The following GRIA2 variants were observed in gnomAD, a reference collection of about 807,000 sequenced individuals.
GRIA2 encodes glutamate receptor 2.
A neutral mutation model predicts 97.3 loss-of-function variants in GRIA2; 14 were observed. The ratio of observed to expected loss-of-function variants is 0.14; its 90% confidence interval spans 0.10 to 0.23. The LOEUF is 0.23. GRIA2 is among the 10% of genes least tolerant of loss of function. The pLI, the probability that GRIA2 is intolerant of heterozygous loss-of-function variation, is 1.00. For missense variants in GRIA2, 558 were observed against 1,069.8 expected (o/e 0.52, Z 6.67); for synonymous variants, 412 against 387.8 (o/e 1.06, Z -0.73).
At chr4:157,249,724 T>C (rs1730940019) in intron 2 of GRIA2, 1 of 152,180 alleles carries the variant, frequency 6.6e-6, no homozygotes, top group Admixed American at 6.6e-5. Flanking sequence ...CCTGGAGAAC[T>C]GGCCTAGGTC....
intron 2 of GRIA2, among the ~76,000 whole-genome samples, chr4:157,263,432 C>T (rs1164059898): frequency 6.6e-6 from 1 of 151,536 alleles, no homozygotes; most frequent in Admixed American, 6.6e-5. Context: ...GGTTCGAAAA[C>T]AGTATACCAA....
At chr4:157,342,366 G>T (rs1735584626) in intron 12 of GRIA2, 2 of 985,014 alleles carry the variant, frequency 2.0e-6, no homozygotes, top group Admixed American at 1.2e-4. Context: ...TTCAGCTGAA[G>T]ATACTATGGG....
At chr4:157,326,926 C>T (rs997444354) in intron 6 of GRIA2, among the ~76,000 whole-genome samples, 3 of 152,048 alleles carry the variant, frequency 2.0e-5, no homozygotes, top group African/African-American at 7.2e-5. Context: ...TTGCAGGGAG[C>T]GCTGGTGGAG....
rs1173809925 is a variant in GRIA2, at chr4:157,313,525, C to T, written c.666+650C>T. On this transcript the variant is annotated intron_variant, in intron 4 of 15. Coordinates refer to ENST00000264426, the MANE Select transcript of GRIA2 (RefSeq NM_001083619.3). The stretch of plus-strand genomic sequence containing the variant: ...TATTTTTATCTGTGCTTAGATACTA[C>T]CTTGCTTCAGTTTAAGGTCTTTCAG... Among the ~76,000 whole-genome samples the T allele has an allele frequency of 3.9e-5, 6 of 152,112 alleles. No individual in the cohort carries two copies. The East Asian group carries it at 1.2e-3, about 29-fold the overall frequency.
At chr4:157,294,060 G>T (rs946566261) in intron 2 of GRIA2, among the ~76,000 whole-genome samples, 1 of 152,082 alleles carries the variant, frequency 6.6e-6, no homozygotes, top group African/African-American at 2.4e-5. Context: ...GCAGGAACCC[G>T]CTTGCTTACC....
chr4:157,347,519 T>C (rs1735814152), intron 12 of GRIA2, among the ~76,000 whole-genome samples: 1 of 152,216 alleles, frequency 6.6e-6, no homozygotes, highest in African/African-American at 2.4e-5. Context: ...TGATTTGGGA[T>C]TAGTCTCTCA....
chr4:157,237,210 A>G (rs1368783770), intron 2 of GRIA2, among the ~76,000 whole-genome samples: 2 of 151,268 alleles, frequency 1.3e-5, no homozygotes, highest in African/African-American at 4.9e-5. Flanking sequence ...ATCCCGTTTT[A>G]TTTTTCCTTC....
At chr4:157,256,853 C>A (rs760173224) in intron 2 of GRIA2, among the ~76,000 whole-genome samples, 8 of 151,886 alleles carry the variant, frequency 5.3e-5, no homozygotes, top group Non-Finnish European at 1.2e-4. Flanking sequence ...GTGTAGAAAG[C>A]GACATGATTT....
chr4:157,363,762 C>G lies in GRIA2; in HGVS notation c.*331C>G, dbSNP rs546022677. ...TAAGGAATGATTAATTAAAACACAA[C>G]ATCTTTTTCTACTCGAGTTACAGAC... On this transcript the variant is annotated 3_prime_UTR_variant, in exon 16 of 16. Transcript: ENST00000264426. The G allele has an allele frequency of 3.6e-4, 141 of 396,428 alleles. No individual in the cohort carries two copies. Among genetic ancestry groups the G allele is most frequent in the South Asian group, 5.6e-4 (4 of 7,144 alleles). The allele number at this position is 396,428 out of a possible 1,614,324, so 24.6% of individuals were successfully genotyped here. A position where few individuals can be genotyped will look rare whatever the true frequency, so the allele number is the denominator to read the frequency against.
At chr4:157,245,680 G>A (rs1730700926) in intron 2 of GRIA2, among the ~76,000 whole-genome samples, 1 of 151,966 alleles carries the variant, frequency 6.6e-6, no homozygotes, top group Non-Finnish European at 1.5e-5. Context: ...GTATTTGGGG[G>A]ATGCTTTCTA....
At chr4:157,243,562 A>G (rs1730598318) in intron 2 of GRIA2, among the ~76,000 whole-genome samples, 1 of 152,142 alleles carries the variant, frequency 6.6e-6, no homozygotes, top group African/African-American at 2.4e-5. Flanking sequence ...TAAAAGAGAA[A>G]GATCTAAAGC....
At chr4:157,319,313 T>C (rs967046039) in intron 5 of GRIA2, among the ~76,000 whole-genome samples, 1 of 152,154 alleles carries the variant, frequency 6.6e-6, no homozygotes, top group Admixed American at 6.5e-5. Flanking sequence ...GAAGATTATA[T>C]TTGAACATTG....
chr4:157,253,895 T>C (rs1433455660), intron 2 of GRIA2, among the ~76,000 whole-genome samples: 1 of 152,020 alleles, frequency 6.6e-6, no homozygotes, highest in Non-Finnish European at 1.5e-5. Context: ...AAAATAAACA[T>C]TAGAGAAAAA....
At chr4:157,248,591 A>ATATACACG (rs1167244306) in intron 2 of GRIA2, among the ~76,000 whole-genome samples, 22 of 122,530 alleles carry the variant, frequency 1.8e-4, no homozygotes, top group Middle Eastern at 4.4e-3. Context: ...ACGTGTATAT[A>ATATACACG]TGTATATATA....
At chr4:157,313,827 C>T (rs1016897835) in intron 4 of GRIA2, among the ~76,000 whole-genome samples, 1 of 151,896 alleles carries the variant, frequency 6.6e-6, no homozygotes, top group Non-Finnish European at 1.5e-5. Flanking sequence ...CAATATCCTA[C>T]CATTGACCAG....
intron 2 of GRIA2, among the ~76,000 whole-genome samples, chr4:157,297,273 A>T (rs1286203769): frequency 1.3e-5 from 2 of 152,154 alleles, no homozygotes; most frequent in East Asian, 3.9e-4. Context: ...GAGTGATTCT[A>T]ACATTTTTTG....
intron 10 of GRIA2, 102 bp from the exon 11 acceptor site, chr4:157,336,275 T>C: frequency 1.0e-6 from 1 of 970,244 alleles, no homozygotes; most frequent in Non-Finnish European, 1.6e-6. Context: ...TTATTGTCAT[T>C]TTTCTGATTT....
intron 2 of GRIA2, 143 bp from the exon 3 acceptor site, chr4:157,303,409 A>G (rs1398434042): frequency 1.5e-6 from 1 of 687,818 alleles, no homozygotes; most frequent in Non-Finnish European, 2.4e-6. Context: ...GTGTTAATAA[A>G]TTACAATGGA....
At chr4:157,234,564 C>T (rs1251232864) in intron 2 of GRIA2, among the ~76,000 whole-genome samples, 2 of 152,080 alleles carry the variant, frequency 1.3e-5, no homozygotes, top group Non-Finnish European at 2.9e-5. Flanking sequence ...ATATCTGATA[C>T]TATTCAGTTA....
Sources: gnomAD v4.1 joint callset for allele counts (sites outside exome capture counted in the v4.1 genomes callset) on GRCh38, gnomAD v4.1.1 for gene constraint, MANE v1.5 for transcripts, NCBI Gene and HGNC (gene_info 2026-07-23, HGNC 2026-07-21) for gene names.